Variants in ZCWPW2 observed in about 807,000 individuals in gnomAD.
ZCWPW2 encodes the protein zinc finger CW-type PWWP domain protein 2.
A neutral mutation model predicts 46.6 loss-of-function variants in ZCWPW2; 45 were observed. The ratio of observed to expected loss-of-function variants is 0.96; its 90% confidence interval spans 0.76 to 1.24. The LOEUF (loss-of-function observed/expected upper bound fraction) is 1.24. Ranked by LOEUF, ZCWPW2 falls within the 50% of genes most tolerant of loss-of-function variation. ZCWPW2 has a pLI of 0.00. For missense variants in ZCWPW2, 429 were observed against 403.9 expected (o/e 1.06, Z -0.53); for synonymous variants, 152 against 137.1 (o/e 1.11, Z -0.76).
chr3:28,434,645 A>G (rs564873359), intron 3 of ZCWPW2, among the ~76,000 whole-genome samples: 58 of 152,334 alleles, frequency 3.8e-4, no homozygotes, highest in Admixed American at 1.3e-4. Flanking sequence ...AGCCTGAGCT[A>G]TCAGGATTCC....
intron 2 of ZCWPW2, among the ~76,000 whole-genome samples, chr3:28,395,796 A>T (rs1695672175): frequency 6.6e-6 from 1 of 152,170 alleles, no homozygotes; most frequent in Non-Finnish European, 1.5e-5. Context: ...ACTTGCACTT[A>T]TAAAATCCTT....
intron 4 of ZCWPW2, among the ~76,000 whole-genome samples, chr3:28,456,493 A>G (rs1005356077): frequency 2.0e-5 from 3 of 152,124 alleles, no homozygotes; most frequent in Non-Finnish European, 4.4e-5. Context: ...TTCCCTGGCC[A>G]TAATTTCGAA....
chr3:28,512,952 G>A (rs1357495698), intron 6 of ZCWPW2, among the ~76,000 whole-genome samples: 1 of 152,038 alleles, frequency 6.6e-6, no homozygotes, highest in East Asian at 1.9e-4. Flanking sequence ...CATAAATGTA[G>A]ATAAAATTAG....
At chr3:28,393,528 C>A (rs1553632186) in intron 2 of ZCWPW2, among the ~76,000 whole-genome samples, 1 of 151,888 alleles carries the variant, frequency 6.6e-6, no homozygotes, top group Non-Finnish European at 1.5e-5. Flanking sequence ...AACGTAGACG[C>A]AAAAATCCTC....
At chr3:28,475,376 A>C (rs1372385474) in intron 4 of ZCWPW2, among the ~76,000 whole-genome samples, 2 of 152,196 alleles carry the variant, frequency 1.3e-5, no homozygotes, top group Admixed American at 6.5e-5. Flanking sequence ...CCACACTGCC[A>C]TCATTTCTTG....
chr3:28,434,279 T>A (rs1446586709), intron 3 of ZCWPW2, among the ~76,000 whole-genome samples: 1 of 152,102 alleles, frequency 6.6e-6, no homozygotes, highest in Non-Finnish European at 1.5e-5. Context: ...CCATATAGAA[T>A]TATTATTTCA....
intron 1 of ZCWPW2, among the ~76,000 whole-genome samples, chr3:28,355,748 G>GT (rs1223725143): frequency 6.6e-6 from 1 of 152,240 alleles, no homozygotes; most frequent in Non-Finnish European, 1.5e-5. Context: ...AAGCAATGAG[G>GT]AAAGGATTCC....
At chr3:28,388,192 G>T (rs1695347724) in intron 1 of ZCWPW2, among the ~76,000 whole-genome samples, 1 of 152,120 alleles carries the variant, frequency 6.6e-6, no homozygotes. Flanking sequence ...CAACCTGCTT[G>T]ACTCAGAGTT....
intron 4 of ZCWPW2, among the ~76,000 whole-genome samples, chr3:28,452,467 T>C (rs999446423): frequency 6.6e-6 from 1 of 152,118 alleles, no homozygotes; most frequent in African/African-American, 2.4e-5. Context: ...GGCTAATTTT[T>C]GTAGTTTTAG....
chr3:28,374,186 A>G (rs1705429294), intron 1 of ZCWPW2, among the ~76,000 whole-genome samples: 1 of 152,096 alleles, frequency 6.6e-6, no homozygotes, highest in Admixed American at 6.6e-5. Flanking sequence ...GTGATAGGAC[A>G]CTAATTTTAT....
intron 3 of ZCWPW2, among the ~76,000 whole-genome samples, chr3:28,431,916 GAA>G (rs932226807): frequency 1.3e-5 from 2 of 152,166 alleles, no homozygotes; most frequent in African/African-American, 4.8e-5. Context: ...AATCATGGTG[GAA>G]GGGGAAGCAA....
chr3:28,389,177 G>A (rs1210229986), intron 1 of ZCWPW2, among the ~76,000 whole-genome samples: 1 of 152,072 alleles, frequency 6.6e-6, no homozygotes, highest in African/African-American at 2.4e-5. Context: ...TTACTAGTGG[G>A]CCACTAGGGG....
intron 2 of ZCWPW2, among the ~76,000 whole-genome samples, chr3:28,400,266 C>A (rs1000547172): frequency 4.6e-5 from 7 of 151,946 alleles, no homozygotes; most frequent in African/African-American, 1.7e-4. Context: ...AAAATATGAA[C>A]AAAGCCCAAA....
chr3:28,370,569 A>T (rs969631590), intron 1 of ZCWPW2, among the ~76,000 whole-genome samples: 3 of 152,172 alleles, frequency 2.0e-5, no homozygotes, highest in African/African-American at 7.2e-5. Flanking sequence ...GAGAAGAAAG[A>T]CGGTAGTGAC....
chr3:28,409,947 G>A (rs1027230505), intron 2 of ZCWPW2, among the ~76,000 whole-genome samples: 17 of 152,046 alleles, frequency 1.1e-4, no homozygotes, highest in African/African-American at 4.1e-4. Context: ...TTTACAGGAG[G>A]CAGAGATAAG....
intron 2 of ZCWPW2, among the ~76,000 whole-genome samples, chr3:28,402,125 T>C (rs1559490005): frequency 1.3e-5 from 2 of 151,808 alleles, no homozygotes; most frequent in African/African-American, 4.8e-5. Flanking sequence ...AAAAGATAGA[T>C]GAATCAAAAA....
chr3:28,485,195 G>T (rs1699557424), intron 5 of ZCWPW2, among the ~76,000 whole-genome samples: 1 of 150,930 alleles, frequency 6.6e-6, no homozygotes. Context: ...TAATCTCCAA[G>T]TATTTTGGAT....
Position 28,445,359 on chromosome 3 carries a change from A to G in ZCWPW2, c.492+10090A>G, listed in dbSNP as rs958095291. Among the ~76,000 whole-genome samples the G allele has an allele frequency of 2.0e-5, 3 of 152,224 alleles. No individual in the cohort carries two copies. In the South Asian group the frequency reaches 6.2e-4, roughly 32 times the overall value. ...ATGCACTGCAAAGAATTATTAGTTT[A>G]TATTTTTGGGCAAACAACATATAAA... On this transcript the variant is annotated intron_variant, in intron 4 of 9. Transcript: ENST00000383768.
chr3:28,497,011 T>G (rs532663530), intron 6 of ZCWPW2, among the ~76,000 whole-genome samples: 1 of 150,134 alleles, frequency 6.7e-6, no homozygotes, highest in South Asian at 2.1e-4. Context: ...ATATAATACA[T>G]TATTTATGTA....
Sources: gnomAD v4.1 joint callset for allele counts (sites outside exome capture counted in the v4.1 genomes callset) on GRCh38, gnomAD v4.1.1 for gene constraint, MANE v1.5 for transcripts, NCBI Gene and HGNC (gene_info 2026-07-23, HGNC 2026-07-21) for gene names.